FLNC: variants seen among roughly 807,000 people sequenced by gnomAD.
FLNC encodes the protein filamin C, also known as filamin-C.
In FLNC, 91 loss-of-function variants were observed where a neutral mutation model predicts 254.3. That is an observed-to-expected ratio of 0.36 (90% CI 0.30 to 0.43). The LOEUF (loss-of-function observed/expected upper bound fraction) is 0.43. Ranked by LOEUF, FLNC falls within the 20% of genes least tolerant of loss-of-function variation. FLNC has a pLI of 1.00. For missense variants in FLNC, 2,853 were observed against 3,802.6 expected, an observed-to-expected ratio of 0.75 and a Z score of 6.57; for synonymous variants, 1,430 against 1,577.2, an observed-to-expected ratio of 0.91 and a Z score of 2.21.
At chr7:128,832,341 T>G (rs1807925799) in intron 1 of FLNC, among the ~76,000 whole-genome samples, 1 of 151,044 alleles carries the variant, frequency 6.6e-6, no homozygotes, top group Non-Finnish European at 1.5e-5. Context: ...GAGCCTGGAG[T>G]GTGTAGTGAG....
chr7:128,846,218 G>A (rs1260350598), intron 22 of FLNC, 55 bp downstream of exon 22: 8 of 1,612,928 alleles, frequency 5.0e-6, no homozygotes, highest in East Asian at 2.2e-5. Flanking sequence ...GGCAGGGCCG[G>A]GATCTGATGA....
Position 128,838,069 on chromosome 7 carries a change from C to G in FLNC, c.1047+5C>G, listed in dbSNP as rs1433671413. ...AAGGTCGCTGGGTTACACAAGGTATCTCCCTCTAGGCCCCCCTGCCTGCGC... is the reference window on the plus strand; with the variant it reads ...AAGGTCGCTGGGTTACACAAGGTATGTCCCTCTAGGCCCCCCTGCCTGCGC... On this transcript the variant is annotated splice_donor_5th_base_variant and intron_variant, in intron 6 of 47. Coordinates refer to ENST00000325888, the MANE Select transcript of FLNC (RefSeq NM_001458.5). 1 of 1,611,110 alleles carries G rather than the reference C, an allele frequency of 6.2e-7. No homozygotes were observed. Among genetic ancestry groups the G allele is most frequent in the East Asian group, 2.2e-5 (1 of 44,868 alleles).
chr7:128,846,626 T>A, intron 23 of FLNC, 119 bp from the exon 24 acceptor site: 1 of 1,352,788 alleles, frequency 7.4e-7, no homozygotes, highest in Admixed American at 1.9e-5. Context: ...CTGTAGCTCG[T>A]TTCTCCTCAG....
rs1197585327 is a variant in FLNC, at chr7:128,856,884, G to A, written c.7524G>A (p.Val2508=). Residue 2508 remains valine, a synonymous_variant, in exon 45 of 48, where the codon GTG becomes GTA. Coordinates refer to ENST00000325888, the MANE Select transcript of FLNC (RefSeq NM_001458.5). The surrounding 1 kb of genome is among the most constrained non-coding windows in gnomAD (Gnocchi z 5.9). ...EQSQAGDPGL[V]SAYGPGLEGG... is the part of the protein sequence containing the mutation. ...GCCAGGCTGGGGACCCAGGCTTGGT[G>A]TCAGCCTACGGTCCTGGGCTCGAGG... 2 of 1,614,208 alleles carry A rather than the reference G, an allele frequency of 1.2e-6. No homozygotes were observed. The highest frequency in any genetic ancestry group is 2.2e-5 in the South Asian group (2 of 91,082).
chr7:128,851,768 T>C lies in FLNC; in HGVS notation c.5842+140T>C, dbSNP rs1040233438. The stretch of plus-strand genomic sequence containing the variant: ...CAAGGTGTGAGGGGTCATATTTTGA[T>C]AAATGTAAAAACACTCTGTTCTCCA... On this transcript the variant is annotated intron_variant, in intron 35 of 47. Coordinates refer to ENST00000325888, the MANE Select transcript of FLNC (RefSeq NM_001458.5). 3.5e-6 allele frequency: 3 copies of C among 859,524 alleles called. No individual in the cohort carries two copies. In the African/African-American group the frequency reaches 5.0e-5, roughly 14 times the overall value. 53.2% of individuals were successfully genotyped at this position (859,524 alleles called of 1,614,324 possible). A position where few individuals can be genotyped will look rare whatever the true frequency, so the allele number is the denominator to read the frequency against.
intron 9 of FLNC, 140 bp downstream of exon 9, chr7:128,840,300 C>T (rs1808276043): frequency 1.8e-6 from 2 of 1,087,750 alleles, no homozygotes; most frequent in Admixed American, 4.0e-5. Flanking sequence ...GAATCTCAGG[C>T]TCATTGTCTC....
chr7:128,848,373 G>A (rs1227756779), intron 26 of FLNC, among the ~76,000 whole-genome samples, 188 bp from the exon 27 acceptor site: 2 of 152,106 alleles, frequency 1.3e-5, no homozygotes, highest in African/African-American at 4.8e-5. Context: ...TCTGTCGAGG[G>A]AGTCCCAGAG....
chr7:128,834,311 G>GCCCCCCCCCCCCCCCC (rs34045649), intron 1 of FLNC, among the ~76,000 whole-genome samples: 2 of 125,496 alleles, frequency 1.6e-5, no homozygotes, highest in African/African-American at 6.4e-5. Flanking sequence ...GGATCTAGGC[G>GCCCCCCCCCCCCCCCC]CCCCCCCCCC....
chr7:128,845,455 C>T (rs1272385015), intron 21 of FLNC, among the ~76,000 whole-genome samples, 200 bp downstream of exon 21: 1 of 152,074 alleles, frequency 6.6e-6, no homozygotes, highest in East Asian at 1.9e-4. Flanking sequence ...GGAGATTGGC[C>T]TCTGCTCTTG....
intron 35 of FLNC, 35 bp from the exon 36 acceptor site, chr7:128,852,556 G>A (rs757288228): frequency 6.2e-7 from 1 of 1,612,756 alleles, no homozygotes; most frequent in Admixed American, 1.7e-5. Context: ...CCTGCCTGGA[G>A]TCATAGCAGC....
intron 1 of FLNC, among the ~76,000 whole-genome samples, chr7:128,832,753 C>T (rs566700683): frequency 3.9e-5 from 6 of 152,180 alleles, no homozygotes; most frequent in Non-Finnish European, 8.8e-5. Context: ...GGCTCACTGG[C>T]GCTGATGAGA....
intron 1 of FLNC, among the ~76,000 whole-genome samples, chr7:128,833,214 C>A (rs1338798324): frequency 2.0e-5 from 3 of 152,176 alleles, no homozygotes; most frequent in African/African-American, 7.2e-5. Flanking sequence ...AGCTGTTCCC[C>A]AGTTGCTATT....
intron 32 of FLNC, 135 bp downstream of exon 32, chr7:128,850,618 G>T: frequency 8.4e-7 from 1 of 1,197,488 alleles, no homozygotes; most frequent in Admixed American, 1.9e-5. Flanking sequence ...CAGCAAGTTG[G>T]GCAGAGCCAG....
intron 2 of FLNC, 88 bp from the exon 3 acceptor site, chr7:128,837,072 A>G: frequency 3.3e-6 from 3 of 920,436 alleles, no homozygotes; most frequent in Non-Finnish European, 5.2e-6. Context: ...GTAAAGCCAC[A>G]GCCTCTGAGG....
At position 128,858,788 on chromosome 7, in the gene FLNC, G is replaced by A; in HGVS notation, c.*265G>A. On this transcript the variant is annotated 3_prime_UTR_variant, in exon 48 of 48. Transcript: ENST00000325888. The surrounding 1 kb of genome is among the most constrained non-coding windows in gnomAD (Gnocchi z 6.7). ...GGGGCCAGGCTCAGGGGCAGAGGCT[G>A]GGACACAAGGGGCTGGCGAGGGCTG... 1.8e-6 allele frequency: 1 copy of A among 542,206 alleles called. No homozygotes were observed. The highest frequency in any genetic ancestry group is 1.9e-5 in the African/African-American group (1 of 52,740). 33.6% of individuals were successfully genotyped at this position (542,206 alleles called of 1,614,324 possible).
chr7:128,851,389 G>T (rs758813693), intron 34 of FLNC, 29 bp downstream of exon 34: 2 of 1,614,048 alleles, frequency 1.2e-6, no homozygotes, highest in Non-Finnish European at 1.7e-6. Flanking sequence ...GCAGGCTGGG[G>T]TGGAGACTCA....
intron 1 of FLNC, among the ~76,000 whole-genome samples, chr7:128,831,919 G>C (rs550607287): frequency 3.1e-4 from 47 of 152,230 alleles, no homozygotes; most frequent in Non-Finnish European, 6.2e-4. Context: ...GAGGCTGGGG[G>C]CCTGGGGAAG....
rs1343869103 is a variant in FLNC at position 128,856,546 on chromosome 7, C to T, written c.7280C>T (p.Ala2427Val). Residue 2427 changes from alanine (A) to valine (V), a missense_variant, in exon 44 of 48, where the codon GCG becomes GTG. Physicochemically the swap from Ala to Val is moderately conservative, Grantham distance 64 (BLOSUM62 0). This residue lies in a region of FLNC where 551 missense variants were observed against 835.0 expected (regional missense o/e 0.66). Transcript: ENST00000325888. This position sits in a 1 kb window ranked among gnomAD's most constrained non-coding sequence, Gnocchi z 5.9. Reference sequence around the variant, plus strand: ...ACGGGGCTCAAGGTGAACCAGCCAGCGTCCTTTGCCGTGCAGCTGAACGGT... The same window carrying T: ...ACGGGGCTCAAGGTGAACCAGCCAGTGTCCTTTGCCGTGCAGCTGAACGGT... ...QETGLKVNQP[A>V]SFAVQLNGAR... 3 of 1,612,678 alleles carry T rather than the reference C, an allele frequency of 1.9e-6. No homozygotes were observed. Among genetic ancestry groups the T allele is most frequent in the Admixed American group, 1.7e-5 (1 of 60,002 alleles).
At chr7:128,843,653 G>T (rs1225686394) in intron 18 of FLNC, 76 bp downstream of exon 18, 2 of 1,563,598 alleles carry the variant, frequency 1.3e-6, no homozygotes, top group African/African-American at 2.7e-5. Context: ...AGTCCCATGG[G>T]ACCAGTTCTG....
Sources: gnomAD v4.1 joint callset for allele counts (sites outside exome capture counted in the v4.1 genomes callset) on GRCh38, gnomAD v4.1.1 for gene constraint, gnomAD v4.1.1 regional missense constraint, Gnocchi (gnomAD v3.1) non-coding constraint, MANE v1.5 for transcripts, NCBI Gene and HGNC (gene_info 2026-07-23, HGNC 2026-07-21) for gene names.